BMPR1B: variants seen among roughly 807,000 people sequenced by gnomAD.
BMPR1B encodes the protein bone morphogenetic protein receptor type 1B.
BMPR1B carries 12 observed loss-of-function variants against 59.1 expected under a neutral mutation model. That is an observed-to-expected ratio of 0.20 (90% CI 0.13 to 0.33). The LOEUF (loss-of-function observed/expected upper bound fraction) is 0.33. BMPR1B is among the 10% of genes least tolerant of loss of function. BMPR1B has a pLI of 1.00. For missense variants in BMPR1B, 550 were observed against 610.9 expected, an observed-to-expected ratio of 0.90 and a Z score of 1.05; for synonymous variants, 237 against 207.3, an observed-to-expected ratio of 1.14 and a Z score of -1.23.
intron 2 of BMPR1B, among the ~76,000 whole-genome samples, chr4:94,974,797 T>G (rs1462743372): frequency 6.6e-6 from 1 of 152,152 alleles, no homozygotes; most frequent in African/African-American, 2.4e-5. Flanking sequence ...ATTCAGTGAG[T>G]TAATTTTTGT....
intron 1 of BMPR1B, among the ~76,000 whole-genome samples, chr4:94,860,625 T>C: frequency 6.6e-6 from 1 of 152,210 alleles, no homozygotes. Context: ...TATTTATAAA[T>C]ATTAAACTTT....
intron 7 of BMPR1B, among the ~76,000 whole-genome samples, chr4:95,124,759 G>C (rs1489941577): frequency 1.3e-5 from 2 of 152,010 alleles, no homozygotes; most frequent in Non-Finnish European, 2.9e-5. Context: ...GCTTGAGACT[G>C]AGTAAAAATA....
At chr4:94,918,409 A>G (rs1007436572) in intron 2 of BMPR1B, among the ~76,000 whole-genome samples, 1 of 152,150 alleles carries the variant, frequency 6.6e-6, no homozygotes, top group African/African-American at 2.4e-5. Flanking sequence ...GGGTGCAGTG[A>G]CTCATGCCTG....
intron 2 of BMPR1B, among the ~76,000 whole-genome samples, chr4:94,904,364 T>A (rs936999499): frequency 1.3e-5 from 2 of 152,066 alleles, no homozygotes; most frequent in Admixed American, 6.6e-5. Context: ...CAGCTAGATT[T>A]AATGTTAATG....
chr4:94,866,581 T>C (rs1370412931), intron 1 of BMPR1B, among the ~76,000 whole-genome samples: 1 of 152,052 alleles, frequency 6.6e-6, no homozygotes, highest in African/African-American at 2.4e-5. Context: ...TGCTTTTTTG[T>C]TTTTGTTTGT....
intron 2 of BMPR1B, among the ~76,000 whole-genome samples, chr4:94,959,180 G>A (rs552510106): frequency 5.9e-5 from 9 of 152,220 alleles, no homozygotes; most frequent in African/African-American, 2.2e-4. Context: ...AGAATTTTGG[G>A]ATTTTTAGTC....
chr4:94,957,268 A>G (rs1417910396), intron 2 of BMPR1B, among the ~76,000 whole-genome samples: 1 of 151,190 alleles, frequency 6.6e-6, no homozygotes, highest in Admixed American at 6.6e-5. Flanking sequence ...GTGTGACTAT[A>G]AAGTGTGAGA....
At chr4:95,150,878 A>T (rs1388807718) in intron 11 of BMPR1B, among the ~76,000 whole-genome samples, 1 of 152,168 alleles carries the variant, frequency 6.6e-6, no homozygotes, top group Non-Finnish European at 1.5e-5. Flanking sequence ...TAGTGTGGAG[A>T]ATAATGTCAT....
intron 1 of BMPR1B, among the ~76,000 whole-genome samples, chr4:94,848,652 C>A (rs13127842): frequency 0.61 from 93,192 of 151,878 alleles, 29,590 homozygotes; most frequent in African/African-American, 0.78. Context: ...GTTTTGATCA[C>A]ATGGATAATA....
intron 2 of BMPR1B, among the ~76,000 whole-genome samples, chr4:94,985,058 G>A (rs1721314289): frequency 6.6e-6 from 1 of 152,112 alleles, no homozygotes; most frequent in Non-Finnish European, 1.5e-5. Flanking sequence ...CAGATGGCAT[G>A]GTACGTTAAG....
At chr4:95,000,024 T>C (rs1017300761) in intron 3 of BMPR1B, among the ~76,000 whole-genome samples, 4 of 152,220 alleles carry the variant, frequency 2.6e-5, no homozygotes, top group Admixed American at 1.3e-4. Context: ...AATTGTATTT[T>C]ATTTGCCCAT....
Position 95,129,571 on chromosome 4 carries a change from T to C in BMPR1B, c.586-291T>C, listed in dbSNP as rs143732716. On this transcript the variant is annotated intron_variant, in intron 8 of 12. Coordinates refer to ENST00000515059, the MANE Select transcript of BMPR1B (RefSeq NM_001203.3). ...AAGTGCAAGTATTCTACTCTGCTGA[T>C]TACTATGAGCCTACTCAGGTTTTTT... Among the ~76,000 whole-genome samples, 3 of 151,970 alleles carry C rather than the reference T, an allele frequency of 2.0e-5. No individual in the cohort carries two copies. The East Asian group carries it at 5.8e-4, about 29-fold the overall frequency.
intron 2 of BMPR1B, among the ~76,000 whole-genome samples, chr4:94,953,535 A>T (rs574962595): frequency 5.4e-4 from 83 of 152,308 alleles, no homozygotes; most frequent in African/African-American, 1.7e-3. Context: ...AGTTTGGCTG[A>T]ATATGAAATT....
At chr4:95,126,067 CTGTGACAACT>C (rs554596420) in intron 8 of BMPR1B, among the ~76,000 whole-genome samples, 11 of 152,304 alleles carry the variant, frequency 7.2e-5, no homozygotes, top group South Asian at 4.1e-4. Flanking sequence ...TGTTTTACCT[CTGTGACAACT>C]TCTCAGTTAC....
chr4:94,893,090 C>G (rs1237932878), intron 2 of BMPR1B, among the ~76,000 whole-genome samples: 1 of 151,756 alleles, frequency 6.6e-6, no homozygotes, highest in African/African-American at 2.4e-5. Context: ...GGTATAGTGT[C>G]ACTAACTTGT....
At chr4:95,004,850 G>A (rs1292082021) in intron 3 of BMPR1B, among the ~76,000 whole-genome samples, 4 of 152,122 alleles carry the variant, frequency 2.6e-5, no homozygotes, top group Non-Finnish European at 4.4e-5. Context: ...GAAATAATTC[G>A]CAGTTCTTTG....
intron 1 of BMPR1B, among the ~76,000 whole-genome samples, chr4:94,771,426 C>T (rs1028233235): frequency 6.6e-6 from 1 of 152,046 alleles, no homozygotes; most frequent in African/African-American, 2.4e-5. Context: ...GCTTGAAAGA[C>T]CCCTGAGGCA....
chr4:95,020,124 GCAGTTCTCAACC>G (rs985996874), intron 3 of BMPR1B, among the ~76,000 whole-genome samples: 3 of 152,092 alleles, frequency 2.0e-5, no homozygotes, highest in Non-Finnish European at 4.4e-5. Context: ...CCTTAAATCT[GCAGTTCTCAACC>G]CAGAGACAAT....
Position 95,001,387 on chromosome 4 carries a change from GAT to G in BMPR1B, c.-18+5254_-18+5255del, listed in dbSNP as rs1278981001. 3.3e-5 allele frequency among the ~76,000 whole-genome samples: 5 copies of G among 151,974 alleles called. No individual in the cohort carries two copies. The East Asian group carries it at 9.7e-4, about 29-fold the overall frequency. ...GGTATTTCTTAATACCATCAAGTGA[GAT>G]GGAGTACTCTCCCACTTCAAGTAAT... On this transcript the variant is annotated intron_variant, in intron 3 of 12. Transcript: ENST00000515059.
Sources: allele counts gnomAD v4.1 joint callset (sites outside exome capture counted in the v4.1 genomes callset), GRCh38; gene constraint gnomAD v4.1.1; transcripts MANE v1.5; gene names NCBI Gene and HGNC (gene_info 2026-07-23, HGNC 2026-07-21).